PARPBP: variants seen among roughly 807,000 people sequenced by gnomAD.
The protein encoded by PARPBP is PCNA-interacting partner.
A neutral mutation model predicts 50.0 loss-of-function variants in PARPBP; 52 were observed. The observed-to-expected ratio is 1.04, with a 90% CI of 0.83 to 1.31. The LOEUF (loss-of-function observed/expected upper bound fraction) is 1.31, where lower values mean the gene tolerates loss of function less well. Among genes scored for constraint, PARPBP ranks in the 50% most tolerant of loss-of-function variants. PARPBP has a pLI of 0.00. For missense variants in PARPBP, 697 were observed against 672.0 expected (o/e 1.04, Z -0.41); for synonymous variants, 244 against 232.1 (o/e 1.05, Z -0.47).
In PARPBP at chr12:102,120,266, T is replaced by C. The variant is rs370472120; in HGVS notation, c.-24T>C. The stretch of plus-strand genomic sequence containing the variant: ...CCTTCCGCACACTGAAGAGTACGTC[T>C]TCGGGTCTACCCCTAATCACGTAAG... On this transcript the variant is annotated 5_prime_UTR_variant, in exon 1 of 11. Transcript: ENST00000327680. The C allele has an allele frequency of 1.2e-4, 37 of 300,118 alleles. 1 individual carries two copies. In the East Asian group the frequency reaches 2.8e-3, roughly 23 times the overall value. 18.6% of individuals were successfully genotyped at this position (300,118 alleles called of 1,614,324 possible). A position where few individuals can be genotyped will look rare whatever the true frequency, so the allele number is the denominator to read the frequency against.
chr12:102,175,192 A>C (rs939009072), intron 6 of PARPBP, among the ~76,000 whole-genome samples: 3 of 152,234 alleles, frequency 2.0e-5, no homozygotes, highest in African/African-American at 7.2e-5. Flanking sequence ...AATATATTGC[A>C]TGTGTACAAC....
intron 6 of PARPBP, among the ~76,000 whole-genome samples, chr12:102,170,595 G>T (rs1888589345): frequency 6.6e-6 from 1 of 152,228 alleles, no homozygotes; most frequent in Non-Finnish European, 1.5e-5. Flanking sequence ...AGCACTTGAA[G>T]TTGCTCTGGA....
intron 2 of PARPBP, among the ~76,000 whole-genome samples, chr12:102,136,425 ATAAG>A (rs1275386013): frequency 6.6e-6 from 1 of 152,230 alleles, no homozygotes; most frequent in African/African-American, 2.4e-5. Context: ...TTTTAAAGAA[ATAAG>A]TAGATTTTTT....
At chr12:102,121,956 A>G (rs1325280287) in intron 1 of PARPBP, among the ~76,000 whole-genome samples, 4 of 152,154 alleles carry the variant, frequency 2.6e-5, no homozygotes, top group African/African-American at 9.7e-5. Context: ...TATGTCGTTG[A>G]CTTGTCATAA....
chr12:102,167,151 G>A (rs961328045), intron 6 of PARPBP, among the ~76,000 whole-genome samples: 1 of 151,944 alleles, frequency 6.6e-6, no homozygotes, highest in Non-Finnish European at 1.5e-5. Flanking sequence ...TCCTCACCTC[G>A]TGAAACAGTC....
At position 102,196,766 on chromosome 12, in the gene PARPBP, A is replaced by G. The variant is rs150610425; in HGVS notation, c.*475A>G. 7,414 of 1,295,080 alleles carry G rather than the reference A, an allele frequency of 5.7e-3. 33 individuals carry two copies. Among genetic ancestry groups the G allele is most frequent in the Non-Finnish European group, 7.3e-3 (6,574 of 895,478 alleles). The allele number at this position is 1,295,080 out of a possible 1,614,324, so 80.2% of individuals were successfully genotyped here. ...AATTATCACACAAAATTTATTAAGA[A>G]AAAAAGAATGGATCTAGTATAACTA... On this transcript the variant is annotated 3_prime_UTR_variant, in exon 11 of 11. Coordinates refer to ENST00000327680, the MANE Select transcript of PARPBP (RefSeq NM_017915.5).
intron 3 of PARPBP, chr12:102,150,455 T>C (rs1886041268): frequency 5.9e-6 from 2 of 339,206 alleles, no homozygotes; most frequent in Admixed American, 8.6e-5. Context: ...TGTTTCATAT[T>C]TGTTGTAGCT....
intron 8 of PARPBP, among the ~76,000 whole-genome samples, chr12:102,179,468 TG>T (rs144537380): frequency 1.3e-5 from 2 of 152,354 alleles, no homozygotes; most frequent in East Asian, 3.9e-4. Context: ...GGCTGGAAGC[TG>T]GAGATGCAGG....
chr12:102,191,888 C>G (rs897223188), intron 9 of PARPBP, among the ~76,000 whole-genome samples: 3 of 152,096 alleles, frequency 2.0e-5, no homozygotes, highest in Admixed American at 2.0e-4. Flanking sequence ...TTGTTTAGTA[C>G]TTCAAAAGCA....
chr12:102,126,914 C>T (rs1326647213), intron 2 of PARPBP, among the ~76,000 whole-genome samples: 2 of 152,122 alleles, frequency 1.3e-5, no homozygotes, highest in Admixed American at 6.5e-5. Flanking sequence ...TTTTATCACT[C>T]TCACATGTTC....
intron 9 of PARPBP, among the ~76,000 whole-genome samples, chr12:102,190,676 T>C (rs2137335504): frequency 6.6e-6 from 1 of 152,166 alleles, no homozygotes; most frequent in South Asian, 2.1e-4. Context: ...CTCTGGGCAC[T>C]CCTCACCCTG....
Position 102,175,577 on chromosome 12 carries a change from G to T in PARPBP, c.916G>T (p.Ala306Ser), listed in dbSNP as rs962530963. 1.5e-5 allele frequency: 25 copies of T among 1,613,116 alleles called. No homozygotes were observed. The highest frequency in any genetic ancestry group is 2.1e-5 in the Non-Finnish European group (25 of 1,179,244). ...DPFCKAIEEV[A>S]QDLDLRIKNI... ...TTTTTGCAAAGCAATAGAGGAAGTTGCTCAGGATTTGGATTTGAGGATTAA... is the reference window on the plus strand; with the variant it reads ...TTTTTGCAAAGCAATAGAGGAAGTTTCTCAGGATTTGGATTTGAGGATTAA... The change falls in exon 7 of 11, where the codon GCT becomes TCT. Residue 306 changes from alanine to serine, a missense_variant. Coordinates refer to ENST00000327680, the MANE Select transcript of PARPBP (RefSeq NM_017915.5).
intron 4 of PARPBP, chr12:102,154,947 TC>T (rs1325368677): frequency 2.6e-6 from 1 of 388,002 alleles, no homozygotes; most frequent in African/African-American, 2.1e-5. Context: ...AGAACCTTGG[TC>T]TTCACAATCC....
intron 3 of PARPBP, among the ~76,000 whole-genome samples, chr12:102,149,693 AAGGG>A (rs1472250190): frequency 1.3e-5 from 2 of 152,214 alleles, no homozygotes; most frequent in African/African-American, 2.4e-5. Flanking sequence ...CTAGGGAAGA[AAGGG>A]AGAATGGATA....
At chr12:102,120,897 A>C (rs867426408) in intron 1 of PARPBP, among the ~76,000 whole-genome samples, 1 of 152,206 alleles carries the variant, frequency 6.6e-6, no homozygotes, top group Non-Finnish European at 1.5e-5. Context: ...TCGGAAGTGT[A>C]GTTCTTTCAA....
At chr12:102,185,145 C>T (rs781494980) in intron 9 of PARPBP, among the ~76,000 whole-genome samples, 4 of 152,110 alleles carry the variant, frequency 2.6e-5, no homozygotes, top group Admixed American at 1.3e-4. Flanking sequence ...AAATAGTTCA[C>T]GAACACACTC....
intron 9 of PARPBP, among the ~76,000 whole-genome samples, chr12:102,194,978 T>G (rs1188998684): frequency 6.6e-6 from 1 of 151,662 alleles, no homozygotes; most frequent in Non-Finnish European, 1.5e-5. Flanking sequence ...GTTATTTTAC[T>G]TACAATAAGA....
In PARPBP at chr12:102,185,304, G is replaced by A. The variant is rs966491376; in HGVS notation, c.1263+2677G>A. 8.5e-5 allele frequency among the ~76,000 whole-genome samples: 13 copies of A among 152,114 alleles called. No homozygotes were observed. The South Asian group carries it at 1.7e-3, about 19-fold the overall frequency. On this transcript the variant is annotated intron_variant, in intron 9 of 10. Transcript: ENST00000327680. The stretch of plus-strand genomic sequence containing the variant: ...TGAAAGGATCATATGATTTTTGTCC[G>A]TTATTCTGTTGATATAATGTATCAC...
At chr12:102,120,554 ATTAG>A (rs756571057) in intron 1 of PARPBP, 247 of 454,792 alleles carry the variant, frequency 5.4e-4, no homozygotes, top group Non-Finnish European at 9.2e-4. Context: ...CTTAACTTCC[ATTAG>A]TTAGGCAGGA....
Sources: allele counts gnomAD v4.1 joint callset (sites outside exome capture counted in the v4.1 genomes callset), GRCh38; gene constraint gnomAD v4.1.1; transcripts MANE v1.5; gene names NCBI Gene and HGNC (gene_info 2026-07-23, HGNC 2026-07-21).